SEC13: variants seen among roughly 807,000 people sequenced by gnomAD.
SEC13 encodes the protein SEC13 homolog, nuclear pore and COPII component.
SEC13 carries 25 observed loss-of-function variants against 49.2 expected under a neutral mutation model. The ratio of observed to expected loss-of-function variants is 0.51; its 90% CI spans 0.37 to 0.71. The LOEUF is 0.71. Among genes scored for constraint, SEC13 ranks in the 30% least tolerant of loss-of-function variants. SEC13 has a pLI of 0.00. For missense variants in SEC13, 383 were observed against 417.6 expected (o/e 0.92, Z 0.72); for synonymous variants, 148 against 163.9 (o/e 0.90, Z 0.74).
rs1016167103 is a variant in SEC13, at chr3:10,304,755, G to A, written c.708+278C>T. Among the ~76,000 whole-genome samples the A allele has an allele frequency of 3.3e-5, 5 of 152,132 alleles. No homozygotes were observed. The South Asian group carries it at 1.0e-3, about 31-fold the overall frequency. On this transcript the variant is annotated intron_variant, in intron 7 of 8. Transcript: ENST00000350697. ...TGGAACTGCACCTGGGCACCTCGGC[G>A]CCCTAGTCTCACATGGGTCAGAAGG...
intron 5 of SEC13, chr3:10,311,652 A>G (rs866154558): frequency 2.9e-5 from 35 of 1,222,962 alleles, no homozygotes; most frequent in Admixed American, 7.9e-5. Context: ...TCCATTCTAC[A>G]GGGTCCCAAT....
intron 8 of SEC13, chr3:10,303,698 C>T (rs886188299): frequency 1.3e-5 from 5 of 397,084 alleles, no homozygotes; most frequent in African/African-American, 1.0e-4. Context: ...GCCTTTTTGG[C>T]ACAGCTAACT....
chr3:10,301,403 A>G (rs1292466526), intron 8 of SEC13, 29 bp from the exon 9 acceptor site: 2 of 1,613,862 alleles, frequency 1.2e-6, no homozygotes, highest in East Asian at 4.5e-5. Flanking sequence ...GCAGATTATC[A>G]CGGGTCTGTG....
At chr3:10,302,826 G>GCTGT (rs1207945365) in intron 8 of SEC13, among the ~76,000 whole-genome samples, 1 of 152,164 alleles carries the variant, frequency 6.6e-6, no homozygotes, top group Non-Finnish European at 1.5e-5. Flanking sequence ...CAGGGTGTGG[G>GCTGT]CTGTCTATAC....
intron 7 of SEC13, among the ~76,000 whole-genome samples, chr3:10,304,783 A>C (rs1700761052): frequency 6.6e-6 from 1 of 152,138 alleles, no homozygotes; most frequent in African/African-American, 2.4e-5. Context: ...TCAGAAGGGA[A>C]AATTCATCCC....
At chr3:10,308,638 C>T (rs1369314492) in intron 5 of SEC13, among the ~76,000 whole-genome samples, 2 of 152,052 alleles carry the variant, frequency 1.3e-5, no homozygotes, top group Admixed American at 1.3e-4. Context: ...TTTTCTTCTG[C>T]ACCAATCCTT....
intron 5 of SEC13, among the ~76,000 whole-genome samples, chr3:10,307,607 TA>T (rs1700970671): frequency 6.6e-6 from 1 of 152,130 alleles, no homozygotes; most frequent in Non-Finnish European, 1.5e-5. Context: ...CTCCCCTTCA[TA>T]AAACCATCAG....
At chr3:10,313,552 C>G in intron 3 of SEC13, 1 of 393,928 alleles carries the variant, frequency 2.5e-6, no homozygotes, top group South Asian at 1.9e-5. Flanking sequence ...TCCTGGTTTA[C>G]TCCTTCACCG....
At chr3:10,310,062 C>T (rs764838868) in intron 5 of SEC13, among the ~76,000 whole-genome samples, 6 of 152,222 alleles carry the variant, frequency 3.9e-5, no homozygotes, top group South Asian at 4.1e-4. Flanking sequence ...GATTTCTTCC[C>T]GCCCCTTCAG....
At position 10,305,071 on chromosome 3, in the gene SEC13, T is replaced by C; in HGVS notation, c.670A>G (p.Ile224Val). ...WVRDVAWAPS[I>V]GLPTSTIASC... ...GCGATGGTGCTGGTGGGCAGGCCGA[T>C]GGAGGGGGCCCAGGCCACATCTCGA... The change falls in exon 7 of 9, where the codon ATC becomes GTC. Residue 224 changes from isoleucine (I) to valine (V), a missense_variant. Coordinates refer to ENST00000350697, the MANE Select transcript of SEC13 (RefSeq NM_183352.3). The C allele has an allele frequency of 1.2e-6, 2 of 1,614,192 alleles. No homozygotes were observed. Among genetic ancestry groups the C allele is most frequent in the African/African-American group, 1.3e-5 (1 of 75,078 alleles).
In SEC13 at chr3:10,315,336, A is replaced by G. The variant is rs781055058; in HGVS notation, c.149T>C (p.Ile50Thr). ...CAGCACTTACCCCCTGAGGTCGGCG[A>G]TAAGGATCTGCCCTCCATTGCGCAC... is the stretch of plus-strand genomic sequence containing the variant. Reference protein sequence around the residue: ...FDVRNGGQILIADLRGHEGPV... With the variant: ...FDVRNGGQILTADLRGHEGPV... The change falls in exon 3 of 9, where the codon ATC becomes ACC. Residue 50 changes from isoleucine (I) to threonine (T), a missense_variant. Coordinates refer to ENST00000350697, the MANE Select transcript of SEC13 (RefSeq NM_183352.3). 7 of 1,613,414 alleles carry G rather than the reference A, an allele frequency of 4.3e-6. No homozygotes were observed. Among genetic ancestry groups the G allele is most frequent in the Non-Finnish European group, 5.9e-6 (7 of 1,179,486 alleles).
In SEC13 at chr3:10,319,227, T is replaced by C. The variant is rs372971679; in HGVS notation, c.4-1133A>G. ...CAGAAAGGCAGACAGTGGAAGAGGA[T>C]GGCTGCAAAGCAGTTCAAGAGGTAC... On this transcript the variant is annotated intron_variant, in intron 1 of 8. Coordinates refer to ENST00000350697, the MANE Select transcript of SEC13 (RefSeq NM_183352.3). The C allele has an allele frequency of 4.3e-6, 7 of 1,613,660 alleles. No individual in the cohort carries two copies. The African/African-American group carries it at 6.7e-5, about 15-fold the overall frequency.
rs1233147226 is a variant in SEC13, at chr3:10,313,406, G to A, written c.165-676C>T. On this transcript the variant is annotated intron_variant, in intron 3 of 8. Transcript: ENST00000350697. ...CCCATTCTCCCATTCACTAGCTCTT[G>A]ACTTTAGGCAAGGATATCTTTGTCT... is the stretch of plus-strand genomic sequence containing the variant. 5.7e-6 allele frequency: 3 copies of A among 530,390 alleles called. No homozygotes were observed. The African/African-American group carries it at 5.8e-5, about 10-fold the overall frequency. The allele number at this position is 530,390 out of a possible 1,614,324, so 32.9% of individuals were successfully genotyped here. A position where few individuals can be genotyped will look rare whatever the true frequency, so the allele number is the denominator to read the frequency against.
chr3:10,304,719 T>A (rs1290801407), intron 7 of SEC13, among the ~76,000 whole-genome samples: 1 of 152,174 alleles, frequency 6.6e-6, no homozygotes, highest in East Asian at 1.9e-4. Context: ...CCATCGTTGC[T>A]TGGGAACACT....
At chr3:10,313,025 C>T in intron 3 of SEC13, 1 of 372,854 alleles carries the variant, frequency 2.7e-6, no homozygotes, top group Non-Finnish European at 5.0e-6. Flanking sequence ...GCAGCCAGCA[C>T]TGTCTGTATG....
chr3:10,315,052 T>C (rs765105967), intron 3 of SEC13: 141 of 351,424 alleles, frequency 4.0e-4, no homozygotes, highest in Non-Finnish European at 6.4e-4. Context: ...AGAGAGAAAC[T>C]GAGTCACTTG....
rs1055021468 is a variant in SEC13, at chr3:10,314,784, C to T, written c.164+537G>A. On this transcript the variant is annotated intron_variant, in intron 3 of 8. Transcript: ENST00000350697. ...GTAAATAATCACTGAACACGTGCCA[C>T]GGGCATATAGGCAGAACAATGGGAT... Among the ~76,000 whole-genome samples, 10 of 152,300 alleles carry T rather than the reference C, an allele frequency of 6.6e-5. No homozygotes were observed. In the East Asian group the frequency reaches 7.7e-4, roughly 12 times the overall value.
chr3:10,321,053 G>T lies in SEC13; in HGVS notation c.-1C>A. 6.2e-7 allele frequency: 1 copy of T among 1,613,388 alleles called. No homozygotes were observed. The highest frequency in any genetic ancestry group is 8.5e-7 in the Non-Finnish European group (1 of 1,179,796). ...CCTCCTCAGTACCAACACTCACCAT[G>T]ATTGCGGCGGTGGCTGCTCCAGGTC... On this transcript the variant is annotated 5_prime_UTR_variant, in exon 1 of 9. Transcript: ENST00000350697. The surrounding 1 kb of genome is among the most constrained non-coding windows in gnomAD (Gnocchi z 4.1).
In SEC13 at chr3:10,305,778, C is replaced by T. The variant is rs1348299565; in HGVS notation, c.451-86G>A. 4.1e-6 allele frequency: 6 copies of T among 1,451,564 alleles called. No individual in the cohort carries two copies. The East Asian group carries it at 1.1e-4, about 28-fold the overall frequency. The allele number at this position is 1,451,564 out of a possible 1,614,324, so 89.9% of individuals were successfully genotyped here. A position where few individuals can be genotyped will look rare whatever the true frequency, so the allele number is the denominator to read the frequency against. ...AAGCCTGCTGTCCCTCTCCCCTCCG[C>T]TTCTCAGGACTGGAGTGTGTGTGAA... On this transcript the variant is annotated intron_variant, in intron 5 of 8. Transcript: ENST00000350697.
Sources: gnomAD v4.1 joint callset for allele counts (sites outside exome capture counted in the v4.1 genomes callset) on GRCh38, gnomAD v4.1.1 for gene constraint, Gnocchi (gnomAD v3.1) non-coding constraint, MANE v1.5 for transcripts, NCBI Gene and HGNC (gene_info 2026-07-23, HGNC 2026-07-21) for gene names.